The following EVPL variants were observed in gnomAD, a reference collection of about 807,000 sequenced individuals.
EVPL encodes 210 kDa cornified envelope precursor protein.
EVPL carries 94 observed loss-of-function variants against 129.7 expected under a neutral mutation model. The ratio of observed to expected loss-of-function variants is 0.72; its 90% CI spans 0.61 to 0.86. EVPL has a LOEUF of 0.86. Ranked by LOEUF, EVPL falls within the 40% of genes least tolerant of loss-of-function variation. The pLI, the probability that EVPL is intolerant of heterozygous loss-of-function variation, is 0.00. For missense variants in EVPL, 2,625 were observed against 2,721.1 expected (o/e 0.96, Z 0.79); for synonymous variants, 1,172 against 1,191.1 (o/e 0.98, Z 0.33).
At chr17:76,023,949 G>T (rs2066481490) in intron 2 of EVPL, 72 bp downstream of exon 2, 1 of 1,539,222 alleles carries the variant, frequency 6.5e-7, no homozygotes, top group Non-Finnish European at 8.8e-7. Context: ...CTCAGGGAGT[G>T]CCAGGCCTGA....
chr17:76,010,704 A>G (rs919171763), intron 21 of EVPL, among the ~76,000 whole-genome samples, 161 bp from the exon 22 acceptor site: 6 of 152,132 alleles, frequency 3.9e-5, no homozygotes, highest in African/African-American at 1.2e-4. Flanking sequence ...GATTTTGAGA[A>G]GACCCAGTCA....
chr17:76,019,343 G>A (rs1277070943), intron 10 of EVPL, among the ~76,000 whole-genome samples, 185 bp downstream of exon 10: 1 of 152,086 alleles, frequency 6.6e-6, no homozygotes, highest in African/African-American at 2.4e-5. Context: ...GGAAACTGAC[G>A]TCCAGAAGTG....
Position 76,017,786 on chromosome 17 carries a change from G to A in EVPL, c.1663C>T (p.Arg555Cys), listed in dbSNP as rs745524121. 11 of 1,613,078 alleles carry A rather than the reference G, an allele frequency of 6.8e-6. No individual in the cohort carries two copies. The highest frequency in any genetic ancestry group is 3.3e-5 in the South Asian group (3 of 91,088). The part of the protein sequence containing the change: ...VLAWARAPLS[R>C]PTPLEDLEGR... The stretch of plus-strand genomic sequence containing the variant: ...TCCAAGTCCTCCAAGGGTGTGGGGC[G>A]GCTCAGCGGGGCCCGCGCCCAGGCC... The change falls in exon 14 of 22, where the codon CGC becomes TGC. Residue 555 changes from arginine to cysteine, a missense_variant. Physicochemically the swap from Arg to Cys is radical, Grantham distance 180. Transcript: ENST00000301607.
At chr17:76,025,009 G>A (rs79787028) in intron 1 of EVPL, among the ~76,000 whole-genome samples, 2,322 of 152,302 alleles carry the variant, frequency 0.015, 52 homozygotes, top group East Asian at 0.089. Flanking sequence ...GGCCCCCCCA[G>A]GCAAAGGGAC....
At position 76,011,816 on chromosome 17, in the gene EVPL, TG is replaced by T. The variant is rs2066379145; in HGVS notation, c.2523del (p.Lys842ArgfsTer76). The part of the protein sequence containing the change: ...SLEPTLAVSA[P>X]KRPRVAPLQE... ...TGCAGGGGAGCCACTCGGGGTCTCT[TG>T]GGGGCTGACACTGCCAGGGTGGGCT... On this transcript the variant is annotated frameshift_variant, in exon 20 of 22. Transcript: ENST00000301607. LOFTEE classifies it high-confidence loss of function. The T allele has an allele frequency of 1.9e-6, 3 of 1,612,766 alleles. No individual in the cohort carries two copies. Among genetic ancestry groups the T allele is most frequent in the Admixed American group, 3.4e-5 (2 of 59,604 alleles).
intron 14 of EVPL, among the ~76,000 whole-genome samples, 179 bp from the exon 15 acceptor site, chr17:76,015,807 CAGAGCAAACTGTCTG>C (rs1294299123): frequency 6.6e-6 from 1 of 152,190 alleles, no homozygotes; most frequent in Non-Finnish European, 1.5e-5. Context: ...TGACCTGGGG[CAGAGCAAACTGTCTG>C]ACCCTCAGTC....
Position 76,008,549 on chromosome 17 carries a change from G to T in EVPL, c.4656C>A (p.Ala1552=). The T allele has an allele frequency of 6.2e-7, 1 of 1,608,522 alleles. No individual in the cohort carries two copies. Among genetic ancestry groups the T allele is most frequent in the Non-Finnish European group, 8.5e-7 (1 of 1,179,732 alleles). ...GCAGGCGCCGTGCCTCCTCCTCCCG[G>T]GCCTGCCGGGCCGTGCGCTCCCTGT... The part of the protein sequence containing the change: ...MLNRERTARQ[A]REEEARRLRE... The change falls in exon 22 of 22, where the codon GCC becomes GCA. Residue 1552 remains alanine (A), a synonymous_variant. Coordinates refer to ENST00000301607, the MANE Select transcript of EVPL (RefSeq NM_001988.4). This position sits in a 1 kb window ranked among gnomAD's most constrained non-coding sequence, Gnocchi z 7.4.
intron 4 of EVPL, among the ~76,000 whole-genome samples, chr17:76,023,055 C>T (rs527727408): frequency 7.4e-4 from 112 of 152,196 alleles, no homozygotes; most frequent in African/African-American, 2.6e-3. Context: ...TGGAATTGTC[C>T]TCTCCTCACT....
chr17:76,016,968 T>A (rs2066422691), intron 14 of EVPL, among the ~76,000 whole-genome samples: 1 of 151,676 alleles, frequency 6.6e-6, no homozygotes, highest in Non-Finnish European at 1.5e-5. Context: ...ATCCCAGCAC[T>A]CTGGGAGGCC....
At position 76,008,421 on chromosome 17, in the gene EVPL, A is replaced by G; in HGVS notation, c.4784T>C (p.Leu1595Pro). Residue 1595 changes from leucine to proline, a missense_variant, in exon 22 of 22, where the codon CTG (leucine) becomes CCG (proline). Transcript: ENST00000301607. The surrounding 1 kb of genome is among the most constrained non-coding windows in gnomAD (Gnocchi z 7.4). ...RDQADQECGRLQQELRALERQ... is the reference protein window; with the variant it reads ...RDQADQECGRPQQELRALERQ... ...CTCCAGAGCCCGCAGCTCCTGCTGC[A>G]GCCGCCCACACTCCTGGTCGGCCTG... 1 of 1,592,016 alleles carries G rather than the reference A, an allele frequency of 6.3e-7. No homozygotes were observed. Among genetic ancestry groups the G allele is most frequent in the Non-Finnish European group, 8.5e-7 (1 of 1,175,250 alleles).
intron 18 of EVPL, among the ~76,000 whole-genome samples, chr17:76,012,830 C>T (rs567527857): frequency 5.3e-5 from 8 of 151,618 alleles, no homozygotes; most frequent in South Asian, 4.2e-4. Flanking sequence ...CTGCAAGCTC[C>T]GCCTCCTGGA....
chr17:76,014,208 G>A (rs1271702722), intron 18 of EVPL, among the ~76,000 whole-genome samples: 1 of 152,228 alleles, frequency 6.6e-6, no homozygotes, highest in African/African-American at 2.4e-5. Flanking sequence ...GAACCCTCAG[G>A]GCTCTGTGGC....
Position 76,022,293 on chromosome 17 carries a change from T to C in EVPL, c.607-66A>G. On this transcript the variant is annotated intron_variant, in intron 5 of 21. Transcript: ENST00000301607. This position sits in a 1 kb window ranked among gnomAD's most constrained non-coding sequence, Gnocchi z 5.6. ...GGTGCAGGGAGACGGCCCCCTAAGA[T>C]CTGGGCCAGCCATACCCCACCCACC... 3 of 1,600,902 alleles carry C rather than the reference T, an allele frequency of 1.9e-6. No homozygotes were observed. Among genetic ancestry groups the C allele is most frequent in the Non-Finnish European group, 2.6e-6 (3 of 1,174,918 alleles).
intron 4 of EVPL, 82 bp downstream of exon 4, chr17:76,023,210 C>A: frequency 6.3e-7 from 1 of 1,583,254 alleles, no homozygotes; most frequent in Non-Finnish European, 8.6e-7. Flanking sequence ...CCTGACTATT[C>A]AAGCCTGCAG....
rs1228091250 is a variant in EVPL at position 76,022,640 on chromosome 17, G to C, written c.481-102C>G. The C allele has an allele frequency of 3.7e-5, 53 of 1,446,528 alleles. No homozygotes were observed. The highest frequency in any genetic ancestry group is 4.5e-5 in the Non-Finnish European group (49 of 1,089,664). 89.6% of individuals were successfully genotyped at this position (1,446,528 alleles called of 1,614,324 possible). A position where few individuals can be genotyped will look rare whatever the true frequency, so the allele number is the denominator to read the frequency against. ...AGAAGTGGACTTGGTCATTTGGGCA[G>C]AGCGTGGACGAGCCTGGGAGCAGCC... On this transcript the variant is annotated intron_variant, in intron 4 of 21. Coordinates refer to ENST00000301607, the MANE Select transcript of EVPL (RefSeq NM_001988.4). This position sits in a 1 kb window ranked among gnomAD's most constrained non-coding sequence, Gnocchi z 5.6.
Position 76,009,208 on chromosome 17 carries a change from G to A in EVPL, c.3997C>T (p.Leu1333Phe), listed in dbSNP as rs1288952456. 6.2e-7 allele frequency: 1 copy of A among 1,609,324 alleles called. No homozygotes were observed. The highest frequency in any genetic ancestry group is 8.5e-7 in the Non-Finnish European group (1 of 1,179,916). The stretch of plus-strand genomic sequence containing the variant: ...GCCGCCTCCCGCACCTCCTGGCGGA[G>A]CCGCTCTGCTTCTTTCTCCAGCACC... Reference protein sequence around the residue: ...DPVLEKEAERLRQEVREAAQK... With the variant: ...DPVLEKEAERFRQEVREAAQK... The change falls in exon 22 of 22, where the codon CTC (leucine) becomes TTC (phenylalanine). Residue 1333 changes from leucine to phenylalanine, a missense_variant. Physicochemically the swap from Leu to Phe is conservative, Grantham distance 22. This residue lies in a region of EVPL where 1,453 missense variants were observed against 1,511.8 expected (regional missense o/e 0.96). Transcript: ENST00000301607. This position sits in a 1 kb window ranked among gnomAD's most constrained non-coding sequence, Gnocchi z 5.9.
chr17:76,023,178 G>T, intron 4 of EVPL, 114 bp downstream of exon 4: 1 of 1,536,388 alleles, frequency 6.5e-7, no homozygotes, highest in Non-Finnish European at 8.8e-7. Flanking sequence ...TCTCTGCCCA[G>T]ACCCCTGAGC....
In EVPL at chr17:76,011,660, G is replaced by T; in HGVS notation, c.2577C>A (p.Asn859Lys). Residue 859 changes from asparagine to lysine, a missense_variant, in exon 21 of 22, where the codon AAC becomes AAA. By Grantham distance (94) the Asn-to-Lys change is moderately conservative. Around this residue, in one of 4 missense-constraint regions of EVPL, gnomAD observed 1,024 missense variants for 997.5 expected, o/e 1.03. Coordinates refer to ENST00000301607, the MANE Select transcript of EVPL (RefSeq NM_001988.4). Reference protein sequence around the residue: ...LQESIQAQEKNLAKAYTEVAA... With the variant: ...LQESIQAQEKKLAKAYTEVAA... ...CAACCTCAGTATAGGCCTTTGCAAG[G>T]TTCTTCTCCTGGAGAAGGCAGAGGG... 1.9e-6 allele frequency: 3 copies of T among 1,614,146 alleles called. No individual in the cohort carries two copies. The highest frequency in any genetic ancestry group is 1.3e-5 in the African/African-American group (1 of 75,040).
chr17:76,014,046 G>A (rs1263419260), intron 18 of EVPL, among the ~76,000 whole-genome samples: 1 of 152,162 alleles, frequency 6.6e-6, no homozygotes, highest in Non-Finnish European at 1.5e-5. Context: ...CAGCCTGGGG[G>A]CACCCACAGC....
Sources: allele counts gnomAD v4.1 joint callset (sites outside exome capture counted in the v4.1 genomes callset), GRCh38; gene constraint gnomAD v4.1.1; regional missense constraint gnomAD v4.1.1; non-coding constraint Gnocchi (gnomAD v3.1); transcripts MANE v1.5; gene names NCBI Gene and HGNC (gene_info 2026-07-23, HGNC 2026-07-21).